VPS50: variants seen among roughly 807,000 people sequenced by gnomAD.
VPS50 encodes syndetin.
Under a neutral mutation model 139.7 loss-of-function variants are expected in VPS50, and 70 were observed. The ratio of observed to expected loss-of-function variants is 0.50; its 90% CI spans 0.41 to 0.61. The LOEUF is 0.61. Ranked by LOEUF, VPS50 falls within the 20% of genes least tolerant of loss-of-function variation. VPS50 has a pLI of 0.00. For synonymous variants in VPS50, 365 were observed against 376.7 expected (o/e 0.97, Z 0.36); for missense variants, 921 against 1,133.7 (o/e 0.81, Z 2.69).
At chr7:93,317,048 ATCAG>A (rs1562883922) in intron 20 of VPS50, among the ~76,000 whole-genome samples, 2 of 152,220 alleles carry the variant, frequency 1.3e-5, no homozygotes, top group African/African-American at 2.4e-5. Flanking sequence ...AAACAGCAAG[ATCAG>A]TCAGTGAAGA....
At chr7:93,276,541 C>A in intron 12 of VPS50, 1 of 502,096 alleles carries the variant, frequency 2.0e-6, no homozygotes, top group Non-Finnish European at 3.2e-6. Context: ...CGACTCTTTA[C>A]CATTTCATAG....
intron 23 of VPS50, among the ~76,000 whole-genome samples, chr7:93,345,315 G>T (rs1367743306): frequency 7.2e-5 from 11 of 152,104 alleles, no homozygotes; most frequent in African/African-American, 2.2e-4. Context: ...AATAACAGGA[G>T]CTGAAATTGT....
At chr7:93,296,280 T>C (rs1796807344) in intron 14 of VPS50, among the ~76,000 whole-genome samples, 1 of 152,190 alleles carries the variant, frequency 6.6e-6, no homozygotes, top group Non-Finnish European at 1.5e-5. Context: ...TTATTAAAAT[T>C]AAATATTTAA....
In VPS50 at chr7:93,350,053, C is replaced by A; in HGVS notation, c.2463+20C>A. On this transcript the variant is annotated intron_variant, in intron 25 of 27. Coordinates refer to ENST00000305866, the MANE Select transcript of VPS50 (RefSeq NM_017667.4). ...TTAAAGGCAAGTGTTCTGGGAAGCA[C>A]CTGTGCTAAAGATCAATCTACTAAG... 6.3e-7 allele frequency: 1 copy of A among 1,588,330 alleles called. No homozygotes were observed.
At chr7:93,301,870 A>G (rs1392607718) in intron 16 of VPS50, among the ~76,000 whole-genome samples, 3 of 152,200 alleles carry the variant, frequency 2.0e-5, no homozygotes, top group African/African-American at 7.2e-5. Context: ...TACATTTTAC[A>G]TTCCTACTAA....
At chr7:93,240,609 G>T (rs1442799962) in intron 2 of VPS50, among the ~76,000 whole-genome samples, 2 of 152,140 alleles carry the variant, frequency 1.3e-5, no homozygotes, top group Non-Finnish European at 2.9e-5. Context: ...AGCTGCCCAT[G>T]TGAATAGCTG....
At chr7:93,237,379 C>T (rs1176261255) in intron 1 of VPS50, among the ~76,000 whole-genome samples, 1 of 152,136 alleles carries the variant, frequency 6.6e-6, no homozygotes, top group Non-Finnish European at 1.5e-5. Flanking sequence ...GCTCCAGAGC[C>T]CATTGCTATA....
At chr7:93,244,544 T>C (rs139977391) in intron 2 of VPS50, among the ~76,000 whole-genome samples, 1 of 152,068 alleles carries the variant, frequency 6.6e-6, no homozygotes, top group East Asian at 1.9e-4. Flanking sequence ...TTTTTTGGAA[T>C]CCTTTTTGCT....
intron 12 of VPS50, among the ~76,000 whole-genome samples, chr7:93,277,439 A>T (rs1210817658): frequency 2.6e-5 from 4 of 152,190 alleles, no homozygotes; most frequent in Non-Finnish European, 5.9e-5. Context: ...TAGTAAGTAG[A>T]TATCTATTCT....
At chr7:93,319,125 C>T (rs1046793189) in intron 20 of VPS50, among the ~76,000 whole-genome samples, 2 of 152,150 alleles carry the variant, frequency 1.3e-5, no homozygotes, top group African/African-American at 2.4e-5. Flanking sequence ...ATATCTTTCT[C>T]ATTCCTTTTT....
intron 9 of VPS50, among the ~76,000 whole-genome samples, chr7:93,266,953 G>A (rs1364655861): frequency 1.3e-5 from 2 of 152,066 alleles, no homozygotes; most frequent in African/African-American, 4.8e-5. Flanking sequence ...TTTTATGTTT[G>A]TAGTCTTCCA....
intron 21 of VPS50, among the ~76,000 whole-genome samples, chr7:93,332,228 T>G (rs977901196): frequency 6.6e-6 from 1 of 152,236 alleles, no homozygotes; most frequent in Non-Finnish European, 1.5e-5. Context: ...GGAAGCACCC[T>G]TTCTGGCTAG....
chr7:93,348,689 G>A lies in VPS50; in HGVS notation c.2208-22G>A, dbSNP rs779171498. ...AAATCCTACACAATTTGTTTACACAGTGGGTTATTTATTCCCTTTAGGGTA... is the reference window on the plus strand; with the variant it reads ...AAATCCTACACAATTTGTTTACACAATGGGTTATTTATTCCCTTTAGGGTA... On this transcript the variant is annotated intron_variant, in intron 23 of 27. Coordinates refer to ENST00000305866, the MANE Select transcript of VPS50 (RefSeq NM_017667.4). The A allele has an allele frequency of 4.7e-6, 7 of 1,485,126 alleles. No homozygotes were observed. The South Asian group carries it at 5.7e-5, about 12-fold the overall frequency. The allele number at this position is 1,485,126 out of a possible 1,614,324, so 92.0% of individuals were successfully genotyped here.
chr7:93,335,507 G>T (rs181798168), intron 22 of VPS50, among the ~76,000 whole-genome samples: 4 of 151,882 alleles, frequency 2.6e-5, no homozygotes, highest in Non-Finnish European at 1.5e-5. Flanking sequence ...TTTTGGTTTT[G>T]ATATTTGTTT....
At chr7:93,293,389 AATAGTTT>A (rs1444262935) in intron 13 of VPS50, among the ~76,000 whole-genome samples, 4 of 152,286 alleles carry the variant, frequency 2.6e-5, no homozygotes, top group Non-Finnish European at 4.4e-5. Context: ...GCTTTAGGCC[AATAGTTT>A]ACATTCGTTG....
At chr7:93,304,418 G>T (rs1170310261) in intron 17 of VPS50, among the ~76,000 whole-genome samples, 1 of 151,212 alleles carries the variant, frequency 6.6e-6, no homozygotes. Flanking sequence ...TCCTATTATA[G>T]AAATATTAAA....
At chr7:93,293,363 G>T (rs1181918674) in intron 13 of VPS50, among the ~76,000 whole-genome samples, 1 of 152,130 alleles carries the variant, frequency 6.6e-6, no homozygotes, top group Non-Finnish European at 1.5e-5. Context: ...ATTCATCATG[G>T]TAAAGCTTGC....
intron 14 of VPS50, 116 bp from the exon 15 acceptor site, chr7:93,296,626 A>G: frequency 6.8e-7 from 1 of 1,476,964 alleles, no homozygotes; most frequent in Non-Finnish European, 8.9e-7. Context: ...ATATTCGTTA[A>G]CAAATTAGGA....
rs757835008 is a variant in VPS50 at position 93,271,226 on chromosome 7, G to A, written c.666G>A (p.Leu222=). The A allele has an allele frequency of 1.9e-6, 3 of 1,557,098 alleles. 1 individual carries two copies. The East Asian group carries it at 7.1e-5, about 37-fold the overall frequency. Residue 222 remains leucine (L), a synonymous_variant, in exon 10 of 28, where the codon CTG becomes CTA. Transcript: ENST00000305866. Reference sequence around the variant, plus strand: ...TTTTTTTTTTTTTTAATAGTGAACTGAATTCAAAGCTGCAAGATACTTTGG... The same window carrying A: ...TTTTTTTTTTTTTTAATAGTGAACTAAATTCAAAGCTGCAAGATACTTTGG... ...TFKHYSCISE[L]NSKLQDTLEQ... is the part of the protein sequence containing the mutation.
Sources: allele counts gnomAD v4.1 joint callset (sites outside exome capture counted in the v4.1 genomes callset), GRCh38; gene constraint gnomAD v4.1.1; transcripts MANE v1.5; gene names NCBI Gene and HGNC (gene_info 2026-07-23, HGNC 2026-07-21).